SLC4A7: variants seen among roughly 807,000 people sequenced by gnomAD.
SLC4A7 encodes the protein solute carrier family 4 member 7.
SLC4A7 carries 51 observed loss-of-function variants against 137.6 expected under a neutral mutation model. The ratio of observed to expected loss-of-function variants is 0.37; its 90% CI spans 0.30 to 0.47. SLC4A7 has a LOEUF of 0.47. SLC4A7 is among the 20% of genes least tolerant of loss of function. The pLI, the probability that SLC4A7 is intolerant of heterozygous loss-of-function variation, is 1.00. For synonymous variants in SLC4A7, 542 were observed against 518.6 expected, an observed-to-expected ratio of 1.05 and a Z score of -0.61; for missense variants, 1,247 against 1,525.4, an observed-to-expected ratio of 0.82 and a Z score of 3.04.
chr3:27,470,248 G>A (rs1480724739), intron 1 of SLC4A7, among the ~76,000 whole-genome samples: 2 of 148,878 alleles, frequency 1.3e-5, no homozygotes, highest in Non-Finnish European at 3.0e-5. Context: ...TTGCTCATGA[G>A]CTTAAAGGCT....
chr3:27,376,627 A>C lies in SLC4A7; in HGVS notation c.*137T>G. 1 of 506,734 alleles carries C rather than the reference A, an allele frequency of 2.0e-6. No homozygotes were observed. The highest frequency in any genetic ancestry group is 3.6e-6 in the Non-Finnish European group (1 of 280,994). The allele number at this position is 506,734 out of a possible 1,614,324, so 31.4% of individuals were successfully genotyped here. A position where few individuals can be genotyped will look rare whatever the true frequency, so the allele number is the denominator to read the frequency against. On this transcript the variant is annotated 3_prime_UTR_variant, in exon 26 of 26. Transcript: ENST00000454389. ...ACATAGTCTCCACGGTGCTCATTAC[A>C]AACTCCAGACACTACTTTTAAAAAC...
intron 10 of SLC4A7, 83 bp downstream of exon 10, chr3:27,420,617 A>G: frequency 1.2e-6 from 1 of 830,668 alleles, no homozygotes; most frequent in South Asian, 2.2e-5. Context: ...TCACTATGAA[A>G]GAAAAGAGAA....
chr3:27,470,654 A>AG (rs1055005507), intron 1 of SLC4A7, among the ~76,000 whole-genome samples: 38 of 150,748 alleles, frequency 2.5e-4, no homozygotes, highest in African/African-American at 8.7e-4. Flanking sequence ...AAAAAAAAAA[A>AG]AAAAACAGCC....
chr3:27,476,595 GT>G (rs1446925530), intron 1 of SLC4A7, among the ~76,000 whole-genome samples: 4 of 152,112 alleles, frequency 2.6e-5, no homozygotes, highest in Non-Finnish European at 4.4e-5. Flanking sequence ...CTGGTGGGAG[GT>G]GACTGAATCA....
chr3:27,403,457 A>G (rs2052996506), intron 14 of SLC4A7, 73 bp from the exon 15 acceptor site: 3 of 961,724 alleles, frequency 3.1e-6, no homozygotes, highest in East Asian at 2.4e-5. Context: ...TTTTCATTGC[A>G]AGCAATGGGA....
At position 27,378,554 on chromosome 3, in the gene SLC4A7, A is replaced by G. The variant is rs147850799; in HGVS notation, c.3698+695T>C. ...TCTTGAAGTGAGAACAAAAGAAAGA[A>G]AAAAGGTTACATAACAAGAAATGTA... On this transcript the variant is annotated intron_variant, in intron 25 of 25. Coordinates refer to ENST00000454389, the MANE Select transcript of SLC4A7 (RefSeq NM_001321103.2). Among the ~76,000 whole-genome samples the G allele has an allele frequency of 3.5e-3, 531 of 152,350 alleles. 1 individual carries two copies. Among genetic ancestry groups the G allele is most frequent in the African/African-American group, 0.012 (496 of 41,576 alleles).
At chr3:27,400,115 A>G (rs113751211) in intron 16 of SLC4A7, among the ~76,000 whole-genome samples, 1,626 of 152,316 alleles carry the variant, frequency 0.011, 10 homozygotes, top group South Asian at 0.02. Flanking sequence ...CAAACTTTAC[A>G]TATTTATTTC....
intron 24 of SLC4A7, among the ~76,000 whole-genome samples, chr3:27,382,857 T>C (rs964980715): frequency 6.6e-6 from 1 of 152,216 alleles, no homozygotes; most frequent in Non-Finnish European, 1.5e-5. Flanking sequence ...CAGACTCATG[T>C]ACTGATTTTA....
At chr3:27,440,803 G>C (rs1353912485) in intron 3 of SLC4A7, among the ~76,000 whole-genome samples, 1 of 152,070 alleles carries the variant, frequency 6.6e-6, no homozygotes, top group Non-Finnish European at 1.5e-5. Context: ...CAGCCACTTT[G>C]GGAGGCCAAG....
intron 1 of SLC4A7, among the ~76,000 whole-genome samples, chr3:27,461,312 T>C (rs771893743): frequency 2.0e-5 from 3 of 151,638 alleles, no homozygotes; most frequent in Admixed American, 6.6e-5. Context: ...GCAGGGAGAA[T>C]TGCTTGAACC....
intron 4 of SLC4A7, among the ~76,000 whole-genome samples, chr3:27,436,914 T>C (rs1225824727): frequency 6.6e-6 from 1 of 152,154 alleles, no homozygotes; most frequent in East Asian, 1.9e-4. Context: ...GTAAACAAAT[T>C]TGAGAATAAA....
intron 24 of SLC4A7, among the ~76,000 whole-genome samples, chr3:27,380,815 G>C (rs911775766): frequency 2.6e-5 from 4 of 152,182 alleles, no homozygotes; most frequent in African/African-American, 9.7e-5. Context: ...CATCCAACTT[G>C]AAACTTTGCC....
chr3:27,458,442 T>A (rs902942088), intron 1 of SLC4A7, among the ~76,000 whole-genome samples: 1 of 152,170 alleles, frequency 6.6e-6, no homozygotes, highest in Non-Finnish European at 1.5e-5. Flanking sequence ...GTGATAGACA[T>A]GTCATACACT....
chr3:27,465,021 C>G (rs1559833860), intron 1 of SLC4A7, among the ~76,000 whole-genome samples: 1 of 151,966 alleles, frequency 6.6e-6, no homozygotes, highest in South Asian at 2.1e-4. Context: ...GGCCGTGTGA[C>G]AAGAACCCGG....
intron 20 of SLC4A7, among the ~76,000 whole-genome samples, 156 bp downstream of exon 20, chr3:27,394,362 G>C (rs2051917782): frequency 6.6e-6 from 1 of 151,604 alleles, no homozygotes; most frequent in African/African-American, 2.4e-5. Flanking sequence ...TGAAATGCTT[G>C]CTATACTAAA....
intron 9 of SLC4A7, among the ~76,000 whole-genome samples, chr3:27,421,254 C>T (rs1039165405): frequency 1.3e-5 from 2 of 151,950 alleles, no homozygotes; most frequent in Admixed American, 6.5e-5. Flanking sequence ...AATCCCAATA[C>T]TTTGGGAGGC....
At chr3:27,449,217 A>G (rs2057896440) in intron 2 of SLC4A7, among the ~76,000 whole-genome samples, 1 of 152,014 alleles carries the variant, frequency 6.6e-6, no homozygotes, top group African/African-American at 2.4e-5. Context: ...ATATCTTAAG[A>G]AAGAAGAGCT....
chr3:27,412,133 G>T (rs562477173), intron 11 of SLC4A7, among the ~76,000 whole-genome samples: 1 of 151,918 alleles, frequency 6.6e-6, no homozygotes, highest in Non-Finnish European at 1.5e-5. Flanking sequence ...TGAAAATTAC[G>T]CTTTACATTA....
chr3:27,445,682 C>T (rs576493433), intron 3 of SLC4A7, among the ~76,000 whole-genome samples: 159 of 149,030 alleles, frequency 1.1e-3, no homozygotes, highest in Middle Eastern at 3.4e-3. Context: ...CTTTGGGAGG[C>T]TGAGGCAGGC....
Sources: gnomAD v4.1 joint callset for allele counts (sites outside exome capture counted in the v4.1 genomes callset) on GRCh38, gnomAD v4.1.1 for gene constraint, MANE v1.5 for transcripts, NCBI Gene and HGNC (gene_info 2026-07-23, HGNC 2026-07-21) for gene names.